Variants in DENND2A observed in about 807,000 individuals in gnomAD.
DENND2A encodes the protein DENN domain containing 2A, also known as DENN domain-containing protein 2A.
In DENND2A, 53 loss-of-function variants were observed where a neutral mutation model predicts 105.3. The ratio of observed to expected loss-of-function variants is 0.50; its 90% CI spans 0.40 to 0.63. DENND2A has a LOEUF of 0.63. DENND2A is among the 30% of genes least tolerant of loss of function. The probability of loss-of-function intolerance (pLI) is 0.00; values close to 1 mark genes in which losing one functional copy is unlikely to be tolerated. For synonymous variants in DENND2A, 522 were observed against 508.4 expected (o/e 1.03, Z -0.36); for missense variants, 1,138 against 1,279.6 (o/e 0.89, Z 1.69).
Position 140,602,410 on chromosome 7 carries a change from C to T in DENND2A, c.-13G>A, listed in dbSNP as rs373669746. On this transcript the variant is annotated 5_prime_UTR_variant, in exon 3 of 20. Coordinates refer to ENST00000496613, the MANE Select transcript of DENND2A (RefSeq NM_015689.5). ...TGAACATATCCATTCTTGACTCTAG[C>T]GTGAGGTTGTGGAGGCCTTCCAGGG... 6.7e-5 allele frequency: 103 copies of T among 1,540,000 alleles called. No individual in the cohort carries two copies. The highest frequency in any genetic ancestry group is 2.1e-4 in the South Asian group (17 of 81,756).
Position 140,522,081 on chromosome 7 carries a change from C to T in DENND2A, c.2685G>A (p.Leu895=). ...CAAAGGCTTCAGACACCACCTCGTT[C>T]AAGGGGCTGGACTCTGGACCTGAGT... is the stretch of plus-strand genomic sequence containing the variant. ...DGRHGPESSP[L]NEVVSEAFVR... Residue 895 remains leucine, a synonymous_variant, in exon 18 of 20, where the codon TTG becomes TTA. Coordinates refer to ENST00000496613, the MANE Select transcript of DENND2A (RefSeq NM_015689.5). 1 of 1,614,124 alleles carries T rather than the reference C, an allele frequency of 6.2e-7. No individual in the cohort carries two copies. Among genetic ancestry groups the T allele is most frequent in the Non-Finnish European group, 8.5e-7 (1 of 1,180,034 alleles).
chr7:140,588,559 G>C (rs1235418511), intron 3 of DENND2A, among the ~76,000 whole-genome samples: 1 of 152,000 alleles, frequency 6.6e-6, no homozygotes, highest in African/African-American at 2.4e-5. Context: ...GACAGTCCCT[G>C]ACTGTGTATA....
chr7:140,568,953 C>G (rs977144283), intron 7 of DENND2A, 140 bp from the exon 8 acceptor site: 1 of 752,048 alleles, frequency 1.3e-6, no homozygotes, highest in Non-Finnish European at 2.1e-6. Flanking sequence ...GAGATGGAGT[C>G]TTGCTCTGTC....
At chr7:140,630,080 C>T (rs774784182) in intron 1 of DENND2A, among the ~76,000 whole-genome samples, 1 of 151,142 alleles carries the variant, frequency 6.6e-6, no homozygotes, top group Non-Finnish European at 1.5e-5. Flanking sequence ...AGGCTGGTCT[C>T]GAACTCCTGA....
At chr7:140,607,228 C>A (rs1025091146) in intron 1 of DENND2A, among the ~76,000 whole-genome samples, 46 of 152,268 alleles carry the variant, frequency 3.0e-4, no homozygotes, top group African/African-American at 1.0e-3. Flanking sequence ...CCTGGGCATC[C>A]TCTCCCTCCC....
intron 3 of DENND2A, among the ~76,000 whole-genome samples, chr7:140,594,817 G>T (rs1276729487): frequency 1.3e-5 from 2 of 152,190 alleles, no homozygotes; most frequent in African/African-American, 2.4e-5. Flanking sequence ...TCCGGTTCAA[G>T]CGATTCTCCT....
chr7:140,528,475 G>C (rs1307064673), intron 14 of DENND2A, among the ~76,000 whole-genome samples: 1 of 152,108 alleles, frequency 6.6e-6, no homozygotes, highest in African/African-American at 2.4e-5. Context: ...ATATGCTAGA[G>C]ATGACTGAGG....
At chr7:140,532,564 C>A (rs910549444) in intron 14 of DENND2A, among the ~76,000 whole-genome samples, 1 of 152,150 alleles carries the variant, frequency 6.6e-6, no homozygotes, top group Non-Finnish European at 1.5e-5. Context: ...TGGAAGAGTT[C>A]TTGGGGATTG....
chr7:140,639,609 T>C (rs940243863), intron 1 of DENND2A, among the ~76,000 whole-genome samples: 1 of 152,054 alleles, frequency 6.6e-6, no homozygotes, highest in Admixed American at 6.6e-5. Context: ...CCACAGAGGG[T>C]TTAAGAGTTT....
At chr7:140,615,506 A>C (rs1342825587) in intron 1 of DENND2A, among the ~76,000 whole-genome samples, 3 of 151,884 alleles carry the variant, frequency 2.0e-5, no homozygotes. Flanking sequence ...CTAACAACCA[A>C]AGTCTGCCCA....
chr7:140,600,331 C>T (rs1799437360), intron 3 of DENND2A, among the ~76,000 whole-genome samples: 2 of 151,970 alleles, frequency 1.3e-5, no homozygotes, highest in South Asian at 4.2e-4. Context: ...CATTTAAAGC[C>T]ATGGGACTGG....
intron 1 of DENND2A, among the ~76,000 whole-genome samples, chr7:140,612,280 T>C (rs1344439146): frequency 6.6e-5 from 10 of 151,456 alleles, no homozygotes; most frequent in African/African-American, 2.4e-4. Flanking sequence ...GTGAATGTTA[T>C]GTGCATTCTA....
In DENND2A at chr7:140,546,946, G is replaced by A. The variant is rs1170777995; in HGVS notation, c.2038-7C>T. 6.2e-7 allele frequency: 1 copy of A among 1,610,798 alleles called. No homozygotes were observed. The highest frequency in any genetic ancestry group is 8.5e-7 in the Non-Finnish European group (1 of 1,177,530). On this transcript the variant is annotated splice_polypyrimidine_tract_variant and splice_region_variant and intron_variant, in intron 12 of 19. Coordinates refer to ENST00000496613, the MANE Select transcript of DENND2A (RefSeq NM_015689.5). ...TTTCCACCTCATCCAAGATCTGCAA[G>A]GGTCAGAAAAGCAGCTTAGCTATTC...
chr7:140,567,095 G>T lies in DENND2A; in HGVS notation c.1770C>A (p.Phe590Leu). The T allele has an allele frequency of 6.3e-7, 1 of 1,590,838 alleles. No homozygotes were observed. Among genetic ancestry groups the T allele is most frequent in the Non-Finnish European group, 8.6e-7 (1 of 1,167,904 alleles). ...AAYVPELTQQ[F>L]PLKLERSFKF... ...CTGGCCACCCTGTTACCTTCAGAGG[G>T]AACTGTTGGGTGAGTTCTGGCACGT... Residue 590 changes from phenylalanine to leucine, a missense_variant, in exon 9 of 20, where the codon TTC (phenylalanine) becomes TTA (leucine). By Grantham distance (22) the Phe-to-Leu change is conservative. Coordinates refer to ENST00000496613, the MANE Select transcript of DENND2A (RefSeq NM_015689.5).
chr7:140,610,659 A>G (rs1382430746), intron 1 of DENND2A, among the ~76,000 whole-genome samples: 1 of 152,222 alleles, frequency 6.6e-6, no homozygotes, highest in African/African-American at 2.4e-5. Context: ...TAGCTCTCAG[A>G]AAAAAGGTCA....
chr7:140,619,500 C>CTT (rs57839820), intron 1 of DENND2A, among the ~76,000 whole-genome samples: 2 of 144,886 alleles, frequency 1.4e-5, no homozygotes, highest in Non-Finnish European at 3.1e-5. Context: ...AAACTCTGCA[C>CTT]TTTTTTTTTT....
At chr7:140,539,689 C>A (rs1185224711) in intron 14 of DENND2A, among the ~76,000 whole-genome samples, 1 of 152,220 alleles carries the variant, frequency 6.6e-6, no homozygotes, top group South Asian at 2.1e-4. Flanking sequence ...TGAAATGACG[C>A]AGGTCAGACC....
rs556294250 is a variant in DENND2A at position 140,580,108 on chromosome 7, CA to C, written c.1245+5480del. The stretch of plus-strand genomic sequence containing the variant: ...GGGCAACAAGAGGGAAACTCCATCT[CA>C]AAAAAAAATGTAAATCTATTACAGA... On this transcript the variant is annotated intron_variant, in intron 5 of 19. Coordinates refer to ENST00000496613, the MANE Select transcript of DENND2A (RefSeq NM_015689.5). Among the ~76,000 whole-genome samples the C allele has an allele frequency of 6.4e-3, 954 of 149,174 alleles. 13 individuals are homozygous for C. The highest frequency in any genetic ancestry group is 0.023 in the African/African-American group (922 of 40,712).
chr7:140,521,221 T>C (rs1795848819), intron 18 of DENND2A, among the ~76,000 whole-genome samples: 3 of 152,168 alleles, frequency 2.0e-5, no homozygotes, highest in African/African-American at 4.8e-5. Context: ...TCTTACCAAG[T>C]GATCTGTAAA....
Sources: allele counts gnomAD v4.1 joint callset (sites outside exome capture counted in the v4.1 genomes callset), GRCh38; gene constraint gnomAD v4.1.1; transcripts MANE v1.5; gene names NCBI Gene and HGNC (gene_info 2026-07-23, HGNC 2026-07-21).